Variants in XRCC1 observed in about 807,000 individuals in gnomAD.
XRCC1 encodes DNA repair protein XRCC1.
A neutral mutation model predicts 83.3 loss-of-function variants in XRCC1; 52 were observed. The ratio of observed to expected loss-of-function variants is 0.62; its 90% CI spans 0.50 to 0.79. The LOEUF (loss-of-function observed/expected upper bound fraction) is 0.79, where lower values mean the gene tolerates loss of function less well. Ranked by LOEUF, XRCC1 falls within the 30% of genes least tolerant of loss-of-function variation. XRCC1 has a pLI of 0.00. For synonymous variants in XRCC1, 281 were observed against 312.6 expected (o/e 0.90, Z 1.07); for missense variants, 793 against 823.5 (o/e 0.96, Z 0.45).
chr19:43,550,493 C>A (rs1011172212), intron 10 of XRCC1, among the ~76,000 whole-genome samples: 1 of 152,144 alleles, frequency 6.6e-6, no homozygotes, highest in Non-Finnish European at 1.5e-5. Context: ...CACCTCACAG[C>A]CTCGCTATCC....
Position 43,553,641 on chromosome 19 carries a change from G to C in XRCC1, c.457C>G (p.Pro153Ala), listed in dbSNP as rs1433534007. Residue 153 changes from proline (P) to alanine (A), a missense_variant, in exon 5 of 17, where the codon CCA becomes GCA. Coordinates refer to ENST00000262887, the MANE Select transcript of XRCC1 (RefSeq NM_006297.3). ...GLSFVRFHSP[P>A]DKDEAEAPSQ... ...GGGGCCTCTGCCTCATCTTTGTCTGGGGGGCTATGAAACCGTACAAAACTC... is the reference window on the plus strand; with the variant it reads ...GGGGCCTCTGCCTCATCTTTGTCTGCGGGGCTATGAAACCGTACAAAACTC... The C allele has an allele frequency of 6.3e-7, 1 of 1,575,026 alleles. No homozygotes were observed. Among genetic ancestry groups the C allele is most frequent in the South Asian group, 1.2e-5 (1 of 86,680 alleles).
chr19:43,562,658 C>T (rs769685510), intron 2 of XRCC1, among the ~76,000 whole-genome samples: 1 of 152,066 alleles, frequency 6.6e-6, no homozygotes, highest in Non-Finnish European at 1.5e-5. Flanking sequence ...GAAGGAGGAT[C>T]GCGTGAGCCT....
Position 43,546,037 on chromosome 19 carries a change from C to G in XRCC1, c.1481+15G>C. On this transcript the variant is annotated intron_variant, in intron 13 of 16. Coordinates refer to ENST00000262887, the MANE Select transcript of XRCC1 (RefSeq NM_006297.3). ...CCAAGGCCAGGGACACCCCAACCCC[C>G]AGCCCCAGCCCTACCTCCTCAGCTC... is the stretch of plus-strand genomic sequence containing the variant. 6.2e-7 allele frequency: 1 copy of G among 1,603,130 alleles called. No homozygotes were observed.
At chr19:43,545,612 G>C (rs540036987) in intron 14 of XRCC1, among the ~76,000 whole-genome samples, 1 of 152,254 alleles carries the variant, frequency 6.6e-6, no homozygotes, top group South Asian at 2.1e-4. Flanking sequence ...CTGGAGGGGA[G>C]AAAAAGGCAA....
At chr19:43,546,786 G>A (rs1972515387) in intron 11 of XRCC1, 59 bp from the exon 12 acceptor site, 3 of 1,593,352 alleles carry the variant, frequency 1.9e-6, no homozygotes, top group Non-Finnish European at 2.6e-6. Context: ...TGTTGGGGGG[G>A]TACCTGCAAG....
chr19:43,546,753 G>A (rs2146043295), intron 11 of XRCC1, 26 bp from the exon 12 acceptor site: 1 of 1,600,650 alleles, frequency 6.2e-7, no homozygotes, highest in Non-Finnish European at 8.5e-7. Context: ...GGGTGGGTGA[G>A]GAGGGCAGGA....
chr19:43,551,972 T>C, intron 9 of XRCC1, 45 bp downstream of exon 9: 1 of 1,600,300 alleles, frequency 6.2e-7, no homozygotes, highest in Non-Finnish European at 8.6e-7. Context: ...CACAGGGAGC[T>C]GGGGGAGAAA....
chr19:43,564,201 T>C (rs977968721), intron 2 of XRCC1, among the ~76,000 whole-genome samples: 3 of 152,196 alleles, frequency 2.0e-5, no homozygotes, highest in African/African-American at 7.2e-5. Flanking sequence ...GCGAATATCA[T>C]TAACACAGCA....
Position 43,544,202 on chromosome 19 carries a change from C to T in XRCC1, c.1654G>A (p.Gly552Arg), listed in dbSNP as rs775649020. Residue 552 changes from glycine to arginine, a missense_variant, in exon 15 of 17, where the codon GGG (glycine) becomes AGG (arginine). By Grantham distance (125) the Gly-to-Arg change is moderately radical (BLOSUM62 -2). Transcript: ENST00000262887. ...CGCCGCTCGTCCCCAGGGAACTCCCCGTAAAGAAAGAAGTGCTTGCCCTGG... is the reference window on the plus strand; with the variant it reads ...CGCCGCTCGTCCCCAGGGAACTCCCTGTAAAGAAAGAAGTGCTTGCCCTGG... ...FFQGKHFFLY[G>R]EFPGDERRKL... is the part of the protein sequence containing the mutation. 40 of 1,610,772 alleles carry T rather than the reference C, an allele frequency of 2.5e-5. No homozygotes were observed. Among genetic ancestry groups the T allele is most frequent in the South Asian group, 4.4e-5 (4 of 90,206 alleles).
rs60740505 is a variant in XRCC1, at chr19:43,548,766, C to CAAAAAAAAAAAAAAAAAAAAAAA, written c.1200-1790_1200-1789insTTTTTTTTTTTTTTTTTTTTTTT. 2.3e-3 allele frequency among the ~76,000 whole-genome samples: 147 copies of CAAAAAAAAAAAAAAAAAAAAAAA among 64,480 alleles called. 8 individuals are homozygous for CAAAAAAAAAAAAAAAAAAAAAAA. The highest frequency in any genetic ancestry group is 0.013 in the Middle Eastern group (1 of 80). The allele number at this position is 64,480 out of a possible 152,430, so 42.3% of individuals were successfully genotyped here. ...TCTGTGAGAAACACCCAAGAATGAT[C>CAAAAAAAAAAAAAAAAAAAAAAA]AAAAAAAAAAAAAAAAAAAACACAA... On this transcript the variant is annotated intron_variant, in intron 10 of 16. Transcript: ENST00000262887.
intron 2 of XRCC1, among the ~76,000 whole-genome samples, chr19:43,568,165 G>A (rs952161031): frequency 8.6e-5 from 13 of 151,432 alleles, no homozygotes; most frequent in Non-Finnish European, 1.8e-4. Context: ...GAGCCACCGC[G>A]CCCGGCCATG....
intron 2 of XRCC1, among the ~76,000 whole-genome samples, chr19:43,570,051 G>T (rs560641969): frequency 6.6e-6 from 1 of 152,340 alleles, no homozygotes; most frequent in South Asian, 2.1e-4. Context: ...ACACAGGGCT[G>T]CAGTTTGCAA....
At chr19:43,546,018 C>T in intron 13 of XRCC1, 34 bp downstream of exon 13, 1 of 1,613,798 alleles carries the variant, frequency 6.2e-7, no homozygotes, top group Non-Finnish European at 8.5e-7. Flanking sequence ...ACACCCAAGG[C>T]CAGGGACACC....
Position 43,561,660 on chromosome 19 carries a change from C to T in XRCC1, c.145-640G>A, listed in dbSNP as rs546070721. On this transcript the variant is annotated intron_variant, in intron 2 of 16. Transcript: ENST00000262887. ...AGTCAGGAGGTATTATTAGTCAGTG[C>T]TAGACAACTATTTGTTGAAAGAAGA... Among the ~76,000 whole-genome samples the T allele has an allele frequency of 5.3e-5, 8 of 152,286 alleles. No homozygotes were observed. In the South Asian group the frequency reaches 1.4e-3, roughly 28 times the overall value.
chr19:43,556,605 A>G (rs2146056309), intron 3 of XRCC1, among the ~76,000 whole-genome samples: 1 of 152,152 alleles, frequency 6.6e-6, no homozygotes, highest in South Asian at 2.1e-4. Flanking sequence ...GGAGTTCAAT[A>G]CCAGCCTGGC....
chr19:43,555,566 G>A (rs978946016), intron 3 of XRCC1: 2 of 152,176 alleles, frequency 1.3e-5, no homozygotes, highest in Admixed American at 6.5e-5. Context: ...CAGCCGGTGG[G>A]GGAGGAAGCC....
Position 43,543,363 on chromosome 19 carries a change from T to TATA in XRCC1, c.*28_*29insTAT. 1.4e-6 allele frequency: 2 copies of TATA among 1,413,106 alleles called. No individual in the cohort carries two copies. Among genetic ancestry groups the TATA allele is most frequent in the South Asian group, 1.1e-5 (1 of 86,994 alleles). The allele number at this position is 1,413,106 out of a possible 1,614,324, so 87.5% of individuals were successfully genotyped here. On this transcript the variant is annotated 3_prime_UTR_variant, in exon 17 of 17. Coordinates refer to ENST00000262887, the MANE Select transcript of XRCC1 (RefSeq NM_006297.3). ...CATCGTGTGTGTGTGTGTGTGTGTG[T>TATA]GTGTGTGTGTGTGTGTATAGCACAT... is the stretch of plus-strand genomic sequence containing the variant.
chr19:43,549,093 G>A (rs577461022), intron 10 of XRCC1, among the ~76,000 whole-genome samples: 60 of 152,196 alleles, frequency 3.9e-4, no homozygotes, highest in African/African-American at 1.3e-3. Flanking sequence ...GGTGCCTACA[G>A]GAGATTCAGA....
chr19:43,574,803 G>T, intron 2 of XRCC1, 107 bp downstream of exon 2: 1 of 858,516 alleles, frequency 1.2e-6, no homozygotes, highest in Non-Finnish European at 1.9e-6. Flanking sequence ...GGAAGCTGAG[G>T]CCCAGCAAAG....
Sources: allele counts gnomAD v4.1 joint callset (sites outside exome capture counted in the v4.1 genomes callset), GRCh38; gene constraint gnomAD v4.1.1; transcripts MANE v1.5; gene names NCBI Gene and HGNC (gene_info 2026-07-23, HGNC 2026-07-21).